The following E2F7 variants were observed in gnomAD, a reference collection of about 807,000 sequenced individuals.
The protein encoded by E2F7 is transcription factor E2F7.
Under a neutral mutation model 81.1 loss-of-function variants are expected in E2F7, and 35 were observed. The observed-to-expected ratio is 0.43, with a 90% confidence interval of 0.33 to 0.57. E2F7 has a LOEUF of 0.57. Among genes scored for constraint, E2F7 ranks in the 20% least tolerant of loss-of-function variants. The pLI is 0.04. For synonymous variants in E2F7, 416 were observed against 416.2 expected (o/e 1.00, Z 0.01); for missense variants, 961 against 1,093.7 (o/e 0.88, Z 1.71).
chr12:77,038,122 A>G (rs1370044484), intron 7 of E2F7, among the ~76,000 whole-genome samples: 2 of 152,200 alleles, frequency 1.3e-5, no homozygotes, highest in Admixed American at 6.5e-5. Flanking sequence ...TTATGCAGAC[A>G]GAGTTCATGA....
Position 77,046,071 on chromosome 12 carries a change from A to T in E2F7, c.796T>A (p.Leu266Ile), listed in dbSNP as rs1030867547. 7 of 1,614,018 alleles carry T rather than the reference A, an allele frequency of 4.3e-6. No homozygotes were observed. The Admixed American group carries it at 1.2e-4, about 27-fold the overall frequency. ...CAGTCGGGTTCAGAGAAATCCAGTA[A>T]CTGTTGTTCCTGGGAATCTGGATCA... ...DGDPDSQEQQ[L>I]LDFSEPDCPS... Residue 266 changes from leucine (L) to isoleucine (I), a missense_variant, in exon 5 of 13, where the codon TTA becomes ATA. Leu to Ile is a conservative substitution (Grantham distance 5). This residue lies in a region of E2F7 where 301 missense variants were observed against 405.0 expected (regional missense o/e 0.74). Coordinates refer to ENST00000322886, the MANE Select transcript of E2F7 (RefSeq NM_203394.3).
chr12:77,033,255 CAA>C, intron 8 of E2F7, 133 bp from the exon 9 acceptor site: 1 of 813,256 alleles, frequency 1.2e-6, no homozygotes, highest in South Asian at 2.4e-5. Flanking sequence ...GGTTTTGATT[CAA>C]AGAGAAATTT....
At chr12:77,053,377 T>G (rs1030097261) in intron 3 of E2F7, among the ~76,000 whole-genome samples, 1 of 152,242 alleles carries the variant, frequency 6.6e-6, no homozygotes, top group Non-Finnish European at 1.5e-5. Context: ...GAGAACTGAT[T>G]CTTGTGCTTG....
chr12:77,036,312 T>A (rs897170625), intron 7 of E2F7, among the ~76,000 whole-genome samples: 1 of 152,088 alleles, frequency 6.6e-6, no homozygotes, highest in Admixed American at 6.5e-5. Flanking sequence ...AAGAATAGGA[T>A]GATGGTTGAT....
Position 77,027,772 on chromosome 12 carries a change from TC to T in E2F7, c.2140+110del, listed in dbSNP as rs1242567034. ...ACAAAGGGGCTAAGAGTAAAATGAC[TC>T]AGGCACATCAATAAGCCACTTTGGG... is the stretch of plus-strand genomic sequence containing the variant. On this transcript the variant is annotated intron_variant, in intron 11 of 12. Coordinates refer to ENST00000322886, the MANE Select transcript of E2F7 (RefSeq NM_203394.3). 7.7e-6 allele frequency: 11 copies of T among 1,427,874 alleles called. No individual in the cohort carries two copies. In the African/African-American group the frequency reaches 1.3e-4, roughly 17 times the overall value. The allele number at this position is 1,427,874 out of a possible 1,614,324, so 88.5% of individuals were successfully genotyped here.
intron 2 of E2F7, among the ~76,000 whole-genome samples, chr12:77,058,020 G>A (rs1955048012): frequency 6.6e-6 from 1 of 152,154 alleles, no homozygotes; most frequent in African/African-American, 2.4e-5. Flanking sequence ...CTTGCTCCTT[G>A]GATCAGCAGA....
Position 77,028,063 on chromosome 12 carries a change from G to A in E2F7, c.1960C>T (p.His654Tyr). Residue 654 changes from histidine (H) to tyrosine (Y), a missense_variant, in exon 11 of 13, where the codon CAT (histidine) becomes TAT (tyrosine). His to Tyr is a moderately conservative substitution (Grantham distance 83, BLOSUM62 2). Transcript: ENST00000322886. ...GCAGCAGGGAGTTGGCCATTCACATGAATGTCTTTGAGGGGTATAGATGCC... is the reference window on the plus strand; with the variant it reads ...GCAGCAGGGAGTTGGCCATTCACATAAATGTCTTTGAGGGGTATAGATGCC... Reference protein sequence around the residue: ...NRASIPLKDIHVNGQLPAAEE... With the variant: ...NRASIPLKDIYVNGQLPAAEE... The A allele has an allele frequency of 6.2e-7, 1 of 1,614,230 alleles. No individual in the cohort carries two copies. The highest frequency in any genetic ancestry group is 1.6e-4 in the Middle Eastern group (1 of 6,062).
Position 77,027,793 on chromosome 12 carries a change from T to A in E2F7, c.2140+90A>T. 4 of 1,533,546 alleles carry A rather than the reference T, an allele frequency of 2.6e-6. No individual in the cohort carries two copies. In the South Asian group the frequency reaches 3.9e-5, roughly 15 times the overall value. The allele number at this position is 1,533,546 out of a possible 1,614,324, so 95.0% of individuals were successfully genotyped here. A position where few individuals can be genotyped will look rare whatever the true frequency, so the allele number is the denominator to read the frequency against. On this transcript the variant is annotated intron_variant, in intron 11 of 12. Coordinates refer to ENST00000322886, the MANE Select transcript of E2F7 (RefSeq NM_203394.3). Reference sequence around the variant, plus strand: ...TGACTCAGGCACATCAATAAGCCACTTTGGGTCAGGTGACACAGACAAAAA... The same window carrying A: ...TGACTCAGGCACATCAATAAGCCACATTGGGTCAGGTGACACAGACAAAAA...
In E2F7 at chr12:77,044,226, G is replaced by A. The variant is rs1389546919; in HGVS notation, c.988+411C>T. ...TCCATGTCCCACCACCCTTACCCTG[G>A]CCATTCTTCTGGTTCTTACCTGTAG... On this transcript the variant is annotated intron_variant, in intron 6 of 12. Transcript: ENST00000322886. 6.6e-6 allele frequency: 3 copies of A among 454,522 alleles called. No individual in the cohort carries two copies. In the East Asian group the frequency reaches 2.1e-4, roughly 32 times the overall value. The allele number at this position is 454,522 out of a possible 1,614,324, so 28.2% of individuals were successfully genotyped here.
chr12:77,046,909 T>A (rs554175518), intron 4 of E2F7, among the ~76,000 whole-genome samples: 1 of 152,224 alleles, frequency 6.6e-6, no homozygotes. Context: ...GAACTGGAAA[T>A]GCAGGTGTCA....
chr12:77,027,756 C>T, intron 11 of E2F7, 127 bp downstream of exon 11: 1 of 1,297,020 alleles, frequency 7.7e-7, no homozygotes, highest in South Asian at 1.5e-5. Flanking sequence ...AACAAAGGGG[C>T]TAAGAGTAAA....
chr12:77,052,348 G>A (rs1292605063), intron 3 of E2F7, among the ~76,000 whole-genome samples: 2 of 152,070 alleles, frequency 1.3e-5, no homozygotes, highest in Non-Finnish European at 2.9e-5. Context: ...ATTACAATAG[G>A]GTATTAGGGC....
At chr12:77,046,733 T>C (rs1954946144) in intron 4 of E2F7, among the ~76,000 whole-genome samples, 1 of 152,210 alleles carries the variant, frequency 6.6e-6, no homozygotes, top group Non-Finnish European at 1.5e-5. Flanking sequence ...CTTGTGTTCC[T>C]AATTATGCAG....
At chr12:77,026,024 C>T in intron 11 of E2F7, 42 bp from the exon 12 acceptor site, 4 of 1,544,786 alleles carry the variant, frequency 2.6e-6, no homozygotes, top group Non-Finnish European at 3.5e-6. Context: ...TATATGTCAT[C>T]ATGAGGATAT....
At chr12:77,043,240 A>G in intron 6 of E2F7, 41 bp from the exon 7 acceptor site, 1 of 1,611,184 alleles carries the variant, frequency 6.2e-7, no homozygotes, top group Non-Finnish European at 8.5e-7. Flanking sequence ...GCTGCCTGTG[A>G]CACCATGACA....
intron 7 of E2F7, among the ~76,000 whole-genome samples, chr12:77,038,178 A>G (rs1431751478): frequency 1.3e-5 from 2 of 152,202 alleles, no homozygotes; most frequent in Non-Finnish European, 2.9e-5. Flanking sequence ...AACTGCAACA[A>G]GAAACAGACA....
Position 77,023,791 on chromosome 12 carries a change from G to A in E2F7, c.*224C>T. The A allele has an allele frequency of 2.0e-6, 1 of 500,910 alleles. No individual in the cohort carries two copies. Among genetic ancestry groups the A allele is most frequent in the South Asian group, 3.7e-5 (1 of 27,178 alleles). 31.0% of individuals were successfully genotyped at this position (500,910 alleles called of 1,614,324 possible). A position where few individuals can be genotyped will look rare whatever the true frequency, so the allele number is the denominator to read the frequency against. On this transcript the variant is annotated 3_prime_UTR_variant, in exon 13 of 13. Coordinates refer to ENST00000322886, the MANE Select transcript of E2F7 (RefSeq NM_203394.3). The stretch of plus-strand genomic sequence containing the variant: ...GAATCAAAACCATAAGTCAGTCGGC[G>A]CTTTCACTGTGACACCATGCAGAGT...
At chr12:77,043,603 G>A (rs1463194354) in intron 6 of E2F7, among the ~76,000 whole-genome samples, 1 of 151,988 alleles carries the variant, frequency 6.6e-6, no homozygotes, top group African/African-American at 2.4e-5. Context: ...CAAGGCAGCT[G>A]GTCTGTGAAA....
At chr12:77,030,744 G>A (rs1435122858) in intron 9 of E2F7, among the ~76,000 whole-genome samples, 1 of 152,146 alleles carries the variant, frequency 6.6e-6, no homozygotes, top group African/African-American at 2.4e-5. Flanking sequence ...TTACTAGCGA[G>A]GAAGACTGAA....
Sources: allele counts gnomAD v4.1 joint callset (sites outside exome capture counted in the v4.1 genomes callset), GRCh38; gene constraint gnomAD v4.1.1; regional missense constraint gnomAD v4.1.1; transcripts MANE v1.5; gene names NCBI Gene and HGNC (gene_info 2026-07-23, HGNC 2026-07-21).